Variants in MTSS1 observed in about 807,000 individuals in gnomAD.
MTSS1 encodes the protein MTSS I-BAR domain containing 1.
A neutral mutation model predicts 79.0 loss-of-function variants in MTSS1; 18 were observed. The observed-to-expected ratio is 0.23, with a 90% CI of 0.16 to 0.34. MTSS1 has a LOEUF of 0.34. Ranked by LOEUF, MTSS1 falls within the 10% of genes least tolerant of loss-of-function variation. MTSS1 has a pLI of 1.00. For synonymous variants in MTSS1, 341 were observed against 368.6 expected, an observed-to-expected ratio of 0.93 and a Z score of 0.86; for missense variants, 815 against 986.2, an observed-to-expected ratio of 0.83 and a Z score of 2.33.
intron 12 of MTSS1, 153 bp from the exon 13 acceptor site, chr8:124,556,057 T>C (rs1823667636): frequency 3.2e-6 from 5 of 1,541,028 alleles, no homozygotes; most frequent in East Asian, 4.9e-5. Flanking sequence ...TCTGCCTCTC[T>C]CATTCCCACA....
chr8:124,606,320 T>C (rs2133154967), intron 3 of MTSS1, among the ~76,000 whole-genome samples: 1 of 152,126 alleles, frequency 6.6e-6, no homozygotes, highest in South Asian at 2.1e-4. Flanking sequence ...AGCTAATTTT[T>C]GTATTTTTAG....
rs113473758 is a variant in MTSS1 at position 124,628,842 on chromosome 8, A to G, written c.209-37607T>C. Among the ~76,000 whole-genome samples, 126 of 152,310 alleles carry G rather than the reference A, an allele frequency of 8.3e-4. 1 individual carries two copies. Among genetic ancestry groups the G allele is most frequent in the African/African-American group, 2.6e-3 (110 of 41,574 alleles). On this transcript the variant is annotated intron_variant, in intron 3 of 13. Transcript: ENST00000518547. ...AAACTGAGGCTAAGAGAAACCTGCC[A>G]TAGGTGGGTAGACCTAGGACTCAAA...
chr8:124,688,399 GTGTA>G (rs1827380861), intron 3 of MTSS1, among the ~76,000 whole-genome samples: 2 of 151,978 alleles, frequency 1.3e-5, no homozygotes, highest in African/African-American at 2.4e-5. Flanking sequence ...ATGTGTATAT[GTGTA>G]TGTGTGTGTA....
At chr8:124,584,142 C>A (rs1030790693) in intron 6 of MTSS1, among the ~76,000 whole-genome samples, 13 of 152,144 alleles carry the variant, frequency 8.5e-5, no homozygotes, top group African/African-American at 3.1e-4. Context: ...TACACACCAC[C>A]CTCCACAATC....
chr8:124,689,294 C>CCT (rs1827542402), intron 3 of MTSS1, among the ~76,000 whole-genome samples: 3 of 152,130 alleles, frequency 2.0e-5, no homozygotes, highest in Admixed American at 2.0e-4. Context: ...TCTGACCAAA[C>CCT]AGACCCGTCC....
chr8:124,628,594 A>G (rs1188858191), intron 3 of MTSS1, among the ~76,000 whole-genome samples: 2 of 152,232 alleles, frequency 1.3e-5, no homozygotes, highest in Non-Finnish European at 2.9e-5. Flanking sequence ...CCAGGACAGC[A>G]GAGTCAACAG....
intron 1 of MTSS1, among the ~76,000 whole-genome samples, chr8:124,721,785 A>C (rs1351588405): frequency 2.0e-5 from 3 of 152,114 alleles, no homozygotes; most frequent in Non-Finnish European, 4.4e-5. Context: ...TCAAAATCTT[A>C]ATGCCATGAA....
rs1815415215 is a variant in MTSS1, at chr8:124,629,464, C to G, written c.209-38229G>C. Among the ~76,000 whole-genome samples the G allele has an allele frequency of 5.8e-5, 7 of 121,634 alleles. No homozygotes were observed. In the South Asian group the frequency reaches 1.9e-3, roughly 33 times the overall value. 79.8% of individuals were successfully genotyped at this position (121,634 alleles called of 152,430 possible). On this transcript the variant is annotated intron_variant, in intron 3 of 13. Transcript: ENST00000518547. ...CCCAGAGGTGGAGCTTGCAGTGAGC[C>G]AAGATCACGCCACTGCACTCCAGCC...
At chr8:124,556,452 G>A in intron 11 of MTSS1, 47 bp from the exon 12 acceptor site, 2 of 1,552,238 alleles carry the variant, frequency 1.3e-6, no homozygotes, top group Non-Finnish European at 1.7e-6. Flanking sequence ...TGCCTCCACT[G>A]GAGGGCTGCG....
chr8:124,602,128 A>T, intron 3 of MTSS1, among the ~76,000 whole-genome samples: 1 of 145,664 alleles, frequency 6.9e-6, no homozygotes, highest in Admixed American at 6.8e-5. Flanking sequence ...CATATAAAAT[A>T]CACTAACACA....
At chr8:124,622,456 C>G (rs1269328094) in intron 3 of MTSS1, among the ~76,000 whole-genome samples, 1 of 127,376 alleles carries the variant, frequency 7.9e-6, no homozygotes, top group African/African-American at 3.0e-5. Context: ...TCTGCTAAGA[C>G]AGTAGATTTT....
At chr8:124,620,695 A>G (rs1010037430) in intron 3 of MTSS1, among the ~76,000 whole-genome samples, 1 of 152,228 alleles carries the variant, frequency 6.6e-6, no homozygotes, top group Non-Finnish European at 1.5e-5. Context: ...GGACCTGACC[A>G]CAGGCTGAGC....
At position 124,578,878 on chromosome 8, in the gene MTSS1, G is replaced by A. The variant is rs145600207; in HGVS notation, c.460+6209C>T. On this transcript the variant is annotated intron_variant, in intron 6 of 13. Transcript: ENST00000518547. ...CAGGCATGAGCCACCACGCCAACGC[G>A]CCCAGCCAAGCCAACTGTTAAAAAT... Among the ~76,000 whole-genome samples the A allele has an allele frequency of 7.2e-3, 1,094 of 152,040 alleles. 14 individuals carry two copies. The highest frequency in any genetic ancestry group is 0.026 in the African/African-American group (1,062 of 41,486).
chr8:124,669,673 T>C (rs941619816), intron 3 of MTSS1, among the ~76,000 whole-genome samples: 6 of 152,248 alleles, frequency 3.9e-5, no homozygotes, highest in Admixed American at 1.3e-4. Flanking sequence ...TCTTTGTCTA[T>C]ATACATTCAG....
In MTSS1 at chr8:124,728,054, A is replaced by G; in HGVS notation, c.-99T>C. On this transcript the variant is annotated 5_prime_UTR_variant, in exon 1 of 14. Transcript: ENST00000518547. This position sits in a 1 kb window ranked among gnomAD's most constrained non-coding sequence, Gnocchi z 6.1. ...CCCAGAAGGAATTTCACCTTCCGAG[A>G]GACCCACCTCGGACTCGCAGCCTCT... 1 of 1,047,658 alleles carries G rather than the reference A, an allele frequency of 9.5e-7. No homozygotes were observed. The highest frequency in any genetic ancestry group is 1.4e-6 in the Non-Finnish European group (1 of 707,332). 64.9% of individuals were successfully genotyped at this position (1,047,658 alleles called of 1,614,324 possible).
At chr8:124,580,740 C>T in intron 6 of MTSS1, 1 of 607,770 alleles carries the variant, frequency 1.6e-6, no homozygotes. Context: ...ATCCACATTC[C>T]CCTTCTCTGC....
At chr8:124,585,304 T>C in intron 5 of MTSS1, 143 bp from the exon 6 acceptor site, 1 of 657,252 alleles carries the variant, frequency 1.5e-6, no homozygotes, top group Non-Finnish European at 2.6e-6. Context: ...AATATGATAA[T>C]CTCATGATGA....
intron 3 of MTSS1, among the ~76,000 whole-genome samples, chr8:124,624,805 C>T (rs956107661): frequency 1.3e-5 from 2 of 152,098 alleles, no homozygotes; most frequent in Non-Finnish European, 2.9e-5. Flanking sequence ...TTGCGCAGAG[C>T]GGGGAGGTGT....
intron 3 of MTSS1, among the ~76,000 whole-genome samples, chr8:124,695,878 T>TCC (rs1828729609): frequency 5.3e-5 from 8 of 152,216 alleles, no homozygotes; most frequent in Admixed American, 1.3e-4. Flanking sequence ...TTTTTTTTTT[T>TCC]TCCTCCCAGC....
Sources: allele counts gnomAD v4.1 joint callset (sites outside exome capture counted in the v4.1 genomes callset), GRCh38; gene constraint gnomAD v4.1.1; non-coding constraint Gnocchi (gnomAD v3.1); transcripts MANE v1.5; gene names NCBI Gene and HGNC (gene_info 2026-07-23, HGNC 2026-07-21).